The following IL1R1 variants were observed in gnomAD, a reference collection of about 807,000 sequenced individuals.
The protein encoded by IL1R1 is interleukin 1 receptor type 1.
In IL1R1, 22 loss-of-function variants were observed where a neutral mutation model predicts 50.2. The observed-to-expected ratio is 0.44, with a 90% CI of 0.31 to 0.63. The LOEUF is 0.63. Ranked by LOEUF, IL1R1 falls within the 20% of genes least tolerant of loss-of-function variation. IL1R1 has a pLI of 0.07. For synonymous variants in IL1R1, 251 were observed against 236.7 expected (o/e 1.06, Z -0.55); for missense variants, 509 against 676.2 (o/e 0.75, Z 2.74).
intron 1 of IL1R1, among the ~76,000 whole-genome samples, chr2:102,105,811 A>T (rs1355308241): frequency 6.6e-6 from 1 of 152,204 alleles, no homozygotes; most frequent in Non-Finnish European, 1.5e-5. Flanking sequence ...CCCCCTTCAG[A>T]AGCTTTGCCA....
In IL1R1 at chr2:102,073,113, C is replaced by T. The variant is rs574417193; in HGVS notation, c.-84+2580C>T. On this transcript the variant is annotated intron_variant, in intron 1 of 11. Transcript: ENST00000409929. ...ACTATTCGCAAAACTCAGTAAAAGG[C>T]GGATTCCCAAGGCTCCACTTTGGAT... Among the ~76,000 whole-genome samples the T allele has an allele frequency of 3.3e-5, 5 of 152,216 alleles. No homozygotes were observed. The East Asian group carries it at 7.7e-4, about 23-fold the overall frequency.
intron 1 of IL1R1, among the ~76,000 whole-genome samples, chr2:102,122,524 G>C (rs1057024864): frequency 1.3e-5 from 2 of 152,232 alleles, no homozygotes; most frequent in Non-Finnish European, 2.9e-5. Context: ...TAACAGGCGT[G>C]AGTGAGGGGC....
intron 1 of IL1R1, among the ~76,000 whole-genome samples, chr2:102,149,122 T>C (rs1268924568): frequency 1.3e-5 from 2 of 152,186 alleles, no homozygotes; most frequent in Non-Finnish European, 1.5e-5. Flanking sequence ...CCCTTGTTTT[T>C]TCAGGACTCA....
At chr2:102,139,001 G>T (rs1480246224), upstream of IL1R1, among the ~76,000 whole-genome samples, 1 of 152,162 alleles carries the variant, frequency 6.6e-6, no homozygotes, top group Non-Finnish European at 1.5e-5. Context: ...CTCTCTGGGG[G>T]TAGTAACACA....
intron 6 of IL1R1, 103 bp from the exon 7 acceptor site, chr2:102,168,495 A>C (rs1685391186): frequency 3.4e-6 from 3 of 883,134 alleles, no homozygotes; most frequent in African/African-American, 3.3e-5. Flanking sequence ...ACTTGATGGA[A>C]TATCTGGCCA....
chr2:102,165,226 A>G lies in IL1R1; in HGVS notation c.408A>G (p.Gly136=), dbSNP rs774263549. 6.2e-6 allele frequency: 10 copies of G among 1,608,520 alleles called. No homozygotes were observed. Among genetic ancestry groups the G allele is most frequent in the Non-Finnish European group, 8.5e-6 (10 of 1,178,224 alleles). ...AIFKQKLPVA[G]DGGLVCPYME... is the part of the protein sequence containing the mutation. The stretch of plus-strand genomic sequence containing the variant: ...TTAAGCAGAAACTACCCGTTGCAGG[A>G]GACGGAGGACTTGTGTGCCCTTATA... Residue 136 remains glycine (G), a synonymous_variant, in exon 5 of 12, where the codon GGA becomes GGG. Transcript: ENST00000410023.
chr2:102,172,909 A>G, intron 9 of IL1R1, 71 bp downstream of exon 9: 1 of 1,101,526 alleles, frequency 9.1e-7, no homozygotes, highest in Non-Finnish European at 1.3e-6. Context: ...GAAGTTTGAA[A>G]TGCCATTTCC....
chr2:102,103,124 C>A (rs1274034944), upstream of IL1R1, among the ~76,000 whole-genome samples: 1 of 152,104 alleles, frequency 6.6e-6, no homozygotes, highest in Non-Finnish European at 1.5e-5. Context: ...AACAGACCTG[C>A]ACAAGTACCC....
At chr2:102,099,783 C>T (rs1226967653), upstream of IL1R1, among the ~76,000 whole-genome samples, 2 of 152,202 alleles carry the variant, frequency 1.3e-5, no homozygotes, top group East Asian at 3.8e-4. Flanking sequence ...TCCACCAGTG[C>T]TTTGCTTTTT....
intron 1 of IL1R1, among the ~76,000 whole-genome samples, chr2:102,073,519 CTGA>C (rs769224084): frequency 5.9e-5 from 9 of 152,120 alleles, no homozygotes; most frequent in African/African-American, 2.2e-4. Context: ...GTAGAGGAGA[CTGA>C]TGATGATTGA....
chr2:102,133,147 G>A (rs940940087), intron 1 of IL1R1, among the ~76,000 whole-genome samples: 1 of 150,410 alleles, frequency 6.6e-6, no homozygotes, highest in Non-Finnish European at 1.5e-5. Flanking sequence ...GGGAGGCTGA[G>A]GCAAGAGAAT....
intron 1 of IL1R1, among the ~76,000 whole-genome samples, chr2:102,128,269 C>T (rs1372572805): frequency 6.6e-6 from 1 of 152,116 alleles, no homozygotes; most frequent in Non-Finnish European, 1.5e-5. Context: ...GAGTTTATGC[C>T]TAATGAAGCT....
At chr2:102,168,978 C>CT (rs35721344) in intron 7 of IL1R1, among the ~76,000 whole-genome samples, 1,778 of 142,452 alleles carry the variant, frequency 0.012, 39 homozygotes, top group Non-Finnish European at 0.013. Context: ...GGATTTCTTT[C>CT]TTTTTTTTTT....
At chr2:102,083,800 C>T (rs1269490518) in intron 1 of IL1R1, among the ~76,000 whole-genome samples, 3 of 151,894 alleles carry the variant, frequency 2.0e-5, no homozygotes, top group Non-Finnish European at 4.4e-5. Context: ...AAAAATTAGC[C>T]AGGCATGGTG....
intron 1 of IL1R1, among the ~76,000 whole-genome samples, chr2:102,106,831 A>G (rs909533530): frequency 5.9e-5 from 9 of 152,300 alleles, no homozygotes; most frequent in African/African-American, 9.6e-5. Context: ...ATTTCATTGC[A>G]TAGATAGTTT....
chr2:102,131,770 A>G (rs1337032328), intron 1 of IL1R1, among the ~76,000 whole-genome samples: 5 of 152,322 alleles, frequency 3.3e-5, no homozygotes, highest in African/African-American at 1.2e-4. Context: ...AAAGGGAGTG[A>G]CAGGAAAAAT....
At chr2:102,122,463 G>A (rs1681455693) in intron 1 of IL1R1, among the ~76,000 whole-genome samples, 1 of 152,174 alleles carries the variant, frequency 6.6e-6, no homozygotes. Flanking sequence ...ACATGAAATA[G>A]AGAAGTGCTG....
intron 3 of IL1R1, among the ~76,000 whole-genome samples, chr2:102,161,741 C>A (rs1684747588): frequency 6.6e-6 from 1 of 151,802 alleles, no homozygotes; most frequent in African/African-American, 2.4e-5. Flanking sequence ...TCTGTGTCAC[C>A]CAGGCTGGAG....
At chr2:102,091,999 A>G (rs1378084440) in intron 1 of IL1R1, among the ~76,000 whole-genome samples, 1 of 152,236 alleles carries the variant, frequency 6.6e-6, no homozygotes, top group Non-Finnish European at 1.5e-5. Context: ...TTTGATATGT[A>G]ATAACTTAAA....
Sources: allele counts gnomAD v4.1 joint callset (sites outside exome capture counted in the v4.1 genomes callset), GRCh38; gene constraint gnomAD v4.1.1; transcripts MANE v1.5; gene names NCBI Gene and HGNC (gene_info 2026-07-23, HGNC 2026-07-21).